NCOA4: variants seen among roughly 807,000 people sequenced by gnomAD.
The protein encoded by NCOA4 is nuclear receptor coactivator 4, also known as 70 kDa AR-activator.
Under a neutral mutation model 69.5 loss-of-function variants are expected in NCOA4, and 31 were observed. That is an observed-to-expected ratio of 0.45 (90% CI 0.34 to 0.60). The LOEUF is 0.60. Among genes scored for constraint, NCOA4 ranks in the 20% least tolerant of loss-of-function variants. The probability of loss-of-function intolerance (pLI) is 0.02; values close to 1 mark genes in which losing one functional copy is unlikely to be tolerated. For missense variants in NCOA4, 600 were observed against 719.2 expected, an observed-to-expected ratio of 0.83 and a Z score of 1.90; for synonymous variants, 228 against 252.4, an observed-to-expected ratio of 0.90 and a Z score of 0.92.
chr10:46,009,315 T>G lies in NCOA4; in HGVS notation c.1839+96A>C. 4 of 1,495,114 alleles carry G rather than the reference T, an allele frequency of 2.7e-6. No homozygotes were observed. The East Asian group carries it at 9.1e-5, about 34-fold the overall frequency. 92.6% of individuals were successfully genotyped at this position (1,495,114 alleles called of 1,614,324 possible). ...AATATACATACTATTAAAAGGGATA[T>G]GGTTCAGTGAGCCAAGTATGACTTC... On this transcript the variant is annotated intron_variant, in intron 9 of 9. Transcript: ENST00000581486.
intron 1 of NCOA4, chr10:46,027,296 TAA>T (rs1840215959): frequency 4.2e-6 from 3 of 708,990 alleles, no homozygotes; most frequent in East Asian, 6.4e-5. Context: ...AAAGAATGAT[TAA>T]GACTTAAGAC....
Position 46,010,978 on chromosome 10 carries a change from G to A in NCOA4, c.943C>T (p.Arg315Trp), listed in dbSNP as rs148951318. The A allele has an allele frequency of 3.1e-5, 50 of 1,613,812 alleles. No homozygotes were observed. The highest frequency in any genetic ancestry group is 4.5e-5 in the East Asian group (2 of 44,896). Reference protein sequence around the residue: ...LVTPQESHKLRKPENGSRETS... With the variant: ...LVTPQESHKLWKPENGSRETS... ...TCACGACTGCCATTCTCAGGCTTCC[G>A]CAGCTTATGGGATTCCTGGGGAGTC... Residue 315 changes from arginine (R) to tryptophan (W), a missense_variant, in exon 8 of 10, where the codon CGG becomes TGG. By Grantham distance (101) the Arg-to-Trp change is moderately radical. Transcript: ENST00000581486.
In NCOA4 at chr10:46,006,092, T is replaced by C. The variant is rs1217550974; in HGVS notation, c.*500A>G. 3 of 213,910 alleles carry C rather than the reference T, an allele frequency of 1.4e-5. No homozygotes were observed. Among genetic ancestry groups the C allele is most frequent in the Non-Finnish European group, 2.8e-5 (3 of 105,964 alleles). 13.3% of individuals were successfully genotyped at this position (213,910 alleles called of 1,614,324 possible). Reference sequence around the variant, plus strand: ...GTAATCACTATTGACCAGGTTAATTTTTTTGTGCAAAATACACTATGTATT... The same window carrying C: ...GTAATCACTATTGACCAGGTTAATTCTTTTGTGCAAAATACACTATGTATT... On this transcript the variant is annotated 3_prime_UTR_variant, in exon 10 of 10. Transcript: ENST00000581486.
Position 46,011,106 on chromosome 10 carries a change from C to A in NCOA4, c.815G>T (p.Cys272Phe), listed in dbSNP as rs1554921384. 2 of 1,613,884 alleles carry A rather than the reference C, an allele frequency of 1.2e-6. No homozygotes were observed. The highest frequency in any genetic ancestry group is 3.3e-5 in the Admixed American group (2 of 59,994). ...AGAACTAGTAGTGGAATGGCTGTTA[C>A]ACTTTTGATAACTTGATTTTTCACT... ...LKSEKSSYQK[C>F]NSHSTTSSFS... Residue 272 changes from cysteine to phenylalanine, a missense_variant, in exon 8 of 10, where the codon TGT (cysteine) becomes TTT (phenylalanine). Physicochemically the swap from Cys to Phe is radical, Grantham distance 205. Transcript: ENST00000581486.
chr10:46,016,713 T>C lies in NCOA4; in HGVS notation c.-14-19A>G, dbSNP rs782383354. The C allele has an allele frequency of 7.2e-7, 1 of 1,386,584 alleles. No individual in the cohort carries two copies. The highest frequency in any genetic ancestry group is 2.6e-5 in the Admixed American group (1 of 38,830). 85.9% of individuals were successfully genotyped at this position (1,386,584 alleles called of 1,614,324 possible). ...ACTGCTCCTTTAAAAGAAAAAAATA[T>C]ATATAAATAGCACCATAATTACAAC... On this transcript the variant is annotated intron_variant, in intron 1 of 9. Coordinates refer to ENST00000581486, the MANE Select transcript of NCOA4 (RefSeq NM_001145263.2).
chr10:46,026,581 C>T (rs1840167276), intron 1 of NCOA4, among the ~76,000 whole-genome samples: 1 of 152,134 alleles, frequency 6.6e-6, no homozygotes, highest in South Asian at 2.1e-4. Context: ...TTTTATATGG[C>T]AAACACTTTG....
At chr10:46,022,923 C>G (rs577068651) in intron 1 of NCOA4, among the ~76,000 whole-genome samples, 48 of 152,190 alleles carry the variant, frequency 3.2e-4, no homozygotes, top group Middle Eastern at 6.8e-3. Flanking sequence ...ACGTTAATAT[C>G]GCAACAGATT....
intron 4 of NCOA4, 125 bp from the exon 5 acceptor site, chr10:46,014,677 G>A (rs1306479600): frequency 1.2e-6 from 1 of 809,966 alleles, no homozygotes; most frequent in Non-Finnish European, 2.0e-6. Context: ...CTCAACCAAA[G>A]ATAGATGGCT....
At chr10:46,030,139 A>G (rs1222349525) in intron 1 of NCOA4, among the ~76,000 whole-genome samples, 2 of 152,344 alleles carry the variant, frequency 1.3e-5, no homozygotes, top group Non-Finnish European at 2.9e-5. Flanking sequence ...GAAACAGGAA[A>G]CTTGGAGCTG....
rs782204766 is a variant in NCOA4, at chr10:46,015,279, T to C, written c.142-13A>G. ...TCTGAGCTTTGACCTAGGAAACACA[T>C]ACATGTTAGCTTCCTAGTGTTAATC... On this transcript the variant is annotated splice_polypyrimidine_tract_variant and intron_variant, in intron 2 of 9. Transcript: ENST00000581486. The C allele has an allele frequency of 5.9e-6, 9 of 1,518,780 alleles. No homozygotes were observed. The highest frequency in any genetic ancestry group is 1.8e-5 in the Admixed American group (1 of 56,082). The allele number at this position is 1,518,780 out of a possible 1,614,324, so 94.1% of individuals were successfully genotyped here.
In NCOA4 at chr10:46,005,190, A is replaced by G. The variant is rs1838743298; in HGVS notation, c.*1402T>C. 4.8e-6 allele frequency: 1 copy of G among 206,466 alleles called. No individual in the cohort carries two copies. Among genetic ancestry groups the G allele is most frequent in the African/African-American group, 2.3e-5 (1 of 43,796 alleles). 12.8% of individuals were successfully genotyped at this position (206,466 alleles called of 1,614,324 possible). A position where few individuals can be genotyped will look rare whatever the true frequency, so the allele number is the denominator to read the frequency against. ...AGTGATTAATGTAAATTATATTTTGACTTGTAAAATACAGTGTGTTTGGCC... is the reference window on the plus strand; with the variant it reads ...AGTGATTAATGTAAATTATATTTTGGCTTGTAAAATACAGTGTGTTTGGCC... On this transcript the variant is annotated 3_prime_UTR_variant, in exon 10 of 10. Coordinates refer to ENST00000581486, the MANE Select transcript of NCOA4 (RefSeq NM_001145263.2).
chr10:46,014,928 G>A lies in NCOA4; in HGVS notation c.297C>T (p.Phe99=). ...AQQLYSLLGQ[F]NCLTHQLECT... is the part of the protein sequence containing the mutation. Reference sequence around the variant, plus strand: ...ACTCCAGTTGATGAGTAAGACAATTGAACTGGCCCAATAACTAAAAGAAAA... The same window carrying A: ...ACTCCAGTTGATGAGTAAGACAATTAAACTGGCCCAATAACTAAAAGAAAA... Residue 99 remains phenylalanine (F), a synonymous_variant, in exon 4 of 10, where the codon TTC becomes TTT. Transcript: ENST00000581486. 1 of 1,613,822 alleles carries A rather than the reference G, an allele frequency of 6.2e-7. No homozygotes were observed. The highest frequency in any genetic ancestry group is 8.5e-7 in the Non-Finnish European group (1 of 1,179,862).
Position 46,014,551 on chromosome 10 carries a change from G to A in NCOA4, c.373C>T (p.Leu125=), listed in dbSNP as rs781915119. 9.7e-5 allele frequency: 154 copies of A among 1,592,182 alleles called. No individual in the cohort carries two copies. Among genetic ancestry groups the A allele is most frequent in the Non-Finnish European group, 1.3e-4 (150 of 1,171,634 alleles). The change falls in exon 5 of 10, where the codon CTG becomes TTG. Residue 125 remains leucine (L), a splice_region_variant and synonymous_variant. Transcript: ENST00000581486. ...TCAGGCTTAAGGGTCAAACTGCCCA[G>A]TCTGGGGAAAAAAAAACAAAATTGG... ...ANQVSVCLER[L]GSLTLKPEDS...
chr10:46,021,673 G>A (rs1459149362), intron 1 of NCOA4, among the ~76,000 whole-genome samples: 1 of 151,664 alleles, frequency 6.6e-6, no homozygotes, highest in Non-Finnish European at 1.5e-5. Flanking sequence ...AACAAAAATA[G>A]TACTGGCCGG....
At position 46,008,059 on chromosome 10, in the gene NCOA4, G is replaced by GA. The variant is rs1319379023; in HGVS notation, c.1839+1351dup. On this transcript the variant is annotated intron_variant, in intron 9 of 9. Transcript: ENST00000581486. ...GCCCTCTGTTGAGAACTACTGCTCA[G>GA]AAAAAAACATTCCTTTCAAAATACT... Among the ~76,000 whole-genome samples the GA allele has an allele frequency of 7.2e-5, 11 of 152,098 alleles. No homozygotes were observed. The South Asian group carries it at 2.1e-3, about 29-fold the overall frequency.
Position 46,018,826 on chromosome 10 carries a change from A to G in NCOA4, c.-14-2132T>C, listed in dbSNP as rs532863312. On this transcript the variant is annotated intron_variant, in intron 1 of 9. Coordinates refer to ENST00000581486, the MANE Select transcript of NCOA4 (RefSeq NM_001145263.2). ...GGGTGAAAAGTGGCCTACCCAGTGT[A>G]GAGTCCTCCAAGTGGCTTGACTGCC... Among the ~76,000 whole-genome samples the G allele has an allele frequency of 2.3e-3, 354 of 152,324 alleles. 2 individuals are homozygous for G. Among genetic ancestry groups the G allele is most frequent in the African/African-American group, 8.1e-3 (338 of 41,590 alleles).
chr10:46,013,073 C>A, intron 6 of NCOA4, 47 bp from the exon 7 acceptor site: 1 of 1,591,094 alleles, frequency 6.3e-7, no homozygotes, highest in Non-Finnish European at 8.6e-7. Flanking sequence ...GAAAGTTCAC[C>A]AGAAAAAGAG....
At chr10:46,014,781 T>G in intron 4 of NCOA4, 73 bp downstream of exon 4, 1 of 1,251,306 alleles carries the variant, frequency 8.0e-7, no homozygotes, top group Non-Finnish European at 1.2e-6. Context: ...AGCAATGAGT[T>G]ACAAAATCGA....
intron 4 of NCOA4, 99 bp downstream of exon 4, chr10:46,014,755 A>G: frequency 1.0e-6 from 1 of 965,532 alleles, no homozygotes. Context: ...GCAACACAGA[A>G]GTTAAATATA....
Sources: allele counts gnomAD v4.1 joint callset (sites outside exome capture counted in the v4.1 genomes callset), GRCh38; gene constraint gnomAD v4.1.1; transcripts MANE v1.5; gene names NCBI Gene and HGNC (gene_info 2026-07-23, HGNC 2026-07-21).